The following CD82 variants were observed in gnomAD, a reference collection of about 807,000 sequenced individuals.
CD82 encodes the protein CD82 molecule, also known as CD82 antigen.
A neutral mutation model predicts 37.4 loss-of-function variants in CD82; 36 were observed. The ratio of observed to expected loss-of-function variants is 0.96; its 90% CI spans 0.74 to 1.27. The LOEUF (loss-of-function observed/expected upper bound fraction) is 1.27. Among genes scored for constraint, CD82 ranks in the 50% most tolerant of loss-of-function variants. The probability of loss-of-function intolerance (pLI) is 0.00; values close to 1 mark genes in which losing one functional copy is unlikely to be tolerated. For missense variants in CD82, 340 were observed against 347.0 expected (o/e 0.98, Z 0.16); for synonymous variants, 158 against 137.4 (o/e 1.15, Z -1.05).
intron 7 of CD82, among the ~76,000 whole-genome samples, chr11:44,617,218 A>G (rs1227162029): frequency 6.6e-6 from 1 of 152,134 alleles, no homozygotes; most frequent in African/African-American, 2.4e-5. Context: ...CAGAGCCCGG[A>G]AAGGCTTTCT....
intron 6 of CD82, among the ~76,000 whole-genome samples, chr11:44,609,798 T>C (rs1301650553): frequency 6.6e-6 from 1 of 152,062 alleles, no homozygotes; most frequent in Admixed American, 6.5e-5. Context: ...GACCTTTCTC[T>C]CCCCTGTTGA....
chr11:44,607,662 A>C (rs180721784), intron 6 of CD82, among the ~76,000 whole-genome samples: 1 of 152,340 alleles, frequency 6.6e-6, no homozygotes, highest in Non-Finnish European at 1.5e-5. Flanking sequence ...TACATGTTCA[A>C]ATTTACAAAC....
chr11:44,598,693 G>A (rs1853264782), intron 3 of CD82, among the ~76,000 whole-genome samples: 2 of 152,154 alleles, frequency 1.3e-5, no homozygotes, highest in Non-Finnish European at 2.9e-5. Flanking sequence ...TGTTACACCT[G>A]AGGCAGGTGC....
chr11:44,570,213 G>A (rs1435755364), intron 1 of CD82, among the ~76,000 whole-genome samples: 1 of 152,196 alleles, frequency 6.6e-6, no homozygotes, highest in Non-Finnish European at 1.5e-5. Context: ...TTCCTGAGGG[G>A]CAGTAGGTCT....
chr11:44,612,534 G>A (rs958627935), intron 6 of CD82, among the ~76,000 whole-genome samples: 2 of 116,044 alleles, frequency 1.7e-5, no homozygotes, highest in African/African-American at 6.8e-5. Context: ...CTGTATAAGG[G>A]CTTTTTTTTT....
chr11:44,594,297 C>G (rs1300833412), intron 2 of CD82, among the ~76,000 whole-genome samples: 2 of 152,104 alleles, frequency 1.3e-5, no homozygotes, highest in African/African-American at 4.8e-5. Context: ...CTTCCCGGCC[C>G]CCTGACTTCA....
At chr11:44,579,766 C>T (rs1023646936) in intron 1 of CD82, among the ~76,000 whole-genome samples, 1 of 152,180 alleles carries the variant, frequency 6.6e-6, no homozygotes, top group African/African-American at 2.4e-5. Flanking sequence ...CCCCTTTATT[C>T]CCAGCTTGGC....
At chr11:44,601,118 G>A (rs1355596886) in intron 4 of CD82, among the ~76,000 whole-genome samples, 1 of 152,250 alleles carries the variant, frequency 6.6e-6, no homozygotes, top group African/African-American at 2.4e-5. Context: ...GAGGCACAGC[G>A]GAAGCCCCCA....
Position 44,598,400 on chromosome 11 carries a change from A to ATTTTTTTTTTTTTTTTTTTTTTTTTTT in CD82, c.64-1755_64-1729dup, listed in dbSNP as rs71038809. 1.7e-4 allele frequency among the ~76,000 whole-genome samples: 10 copies of ATTTTTTTTTTTTTTTTTTTTTTTTTTT among 58,880 alleles called. 4 individuals are homozygous for ATTTTTTTTTTTTTTTTTTTTTTTTTTT. Among genetic ancestry groups the ATTTTTTTTTTTTTTTTTTTTTTTTTTT allele is most frequent in the East Asian group, 1.2e-3 (2 of 1,688 alleles). 38.6% of individuals were successfully genotyped at this position (58,880 alleles called of 152,430 possible). A position where few individuals can be genotyped will look rare whatever the true frequency, so the allele number is the denominator to read the frequency against. ...CAGTTATCATGGATTTTTGGCCTTA[A>ATTTTTTTTTTTTTTTTTTTTTTTTTTT]TTTTTTTTTTTTTTTTTTTTTTTTT... On this transcript the variant is annotated intron_variant, in intron 3 of 9. Transcript: ENST00000227155.
intron 1 of CD82, among the ~76,000 whole-genome samples, chr11:44,574,026 C>T (rs907147746): frequency 6.6e-6 from 1 of 152,176 alleles, no homozygotes; most frequent in African/African-American, 2.4e-5. Flanking sequence ...GGGAGTCTTC[C>T]TGTCCGAAGG....
At chr11:44,592,010 G>C (rs558622025) in intron 2 of CD82, among the ~76,000 whole-genome samples, 29 of 152,090 alleles carry the variant, frequency 1.9e-4, no homozygotes, top group African/African-American at 7.0e-4. Context: ...GTAGAGATGG[G>C]GTTTCACCAT....
chr11:44,601,431 C>T (rs887873896), intron 4 of CD82, among the ~76,000 whole-genome samples: 2 of 152,092 alleles, frequency 1.3e-5, no homozygotes, highest in African/African-American at 4.8e-5. Context: ...GTGGGCTACC[C>T]GTGCCCCCCA....
At chr11:44,571,960 C>G (rs1852820446) in intron 1 of CD82, among the ~76,000 whole-genome samples, 1 of 152,202 alleles carries the variant, frequency 6.6e-6, no homozygotes. Flanking sequence ...GTTCCCAGCT[C>G]ATCTTTTACT....
At chr11:44,617,843 T>C (rs890016405) in intron 7 of CD82, among the ~76,000 whole-genome samples, 1 of 152,216 alleles carries the variant, frequency 6.6e-6, no homozygotes, top group Admixed American at 6.5e-5. Context: ...GCTCAGCTGG[T>C]AGGCGGCAGG....
rs1277881787 is a variant in CD82 at position 44,619,939 on chromosome 11, C to T, written c.*813C>T. 1 of 151,326 alleles carries T rather than the reference C, an allele frequency of 6.6e-6. No homozygotes were observed. The highest frequency in any genetic ancestry group is 1.5e-5 in the Non-Finnish European group (1 of 67,812). The allele number at this position is 151,326 out of a possible 1,614,324, so 9.4% of individuals were successfully genotyped here. ...GGGAGAGGGGAGAGGGTGGGTTTTA[C>T]CTGATATTAAGGGGTGGCACCCCTT... On this transcript the variant is annotated 3_prime_UTR_variant, in exon 10 of 10. Transcript: ENST00000227155.
At chr11:44,573,257 ATGTT>A (rs1480381367) in intron 1 of CD82, 6 of 152,342 alleles carry the variant, frequency 3.9e-5, no homozygotes, top group African/African-American at 1.4e-4. Flanking sequence ...CACTCAATAA[ATGTT>A]TGTTGTTGCT....
chr11:44,571,704 A>G (rs1852817231), intron 1 of CD82, among the ~76,000 whole-genome samples: 1 of 152,036 alleles, frequency 6.6e-6, no homozygotes, highest in South Asian at 2.1e-4. Context: ...CCTCCTGAGT[A>G]GCTGGAATTT....
chr11:44,569,204 G>C (rs537770672), intron 1 of CD82, among the ~76,000 whole-genome samples: 1 of 152,196 alleles, frequency 6.6e-6, no homozygotes, highest in Admixed American at 6.5e-5. Context: ...TAAACATGGA[G>C]TGAGTGGTGT....
intron 6 of CD82, among the ~76,000 whole-genome samples, chr11:44,608,899 A>G (rs1853439540): frequency 6.6e-6 from 1 of 152,270 alleles, no homozygotes; most frequent in African/African-American, 2.4e-5. Flanking sequence ...TCAGAGATGA[A>G]GAGCACTAAC....
Sources: allele counts gnomAD v4.1 joint callset (sites outside exome capture counted in the v4.1 genomes callset), GRCh38; gene constraint gnomAD v4.1.1; transcripts MANE v1.5; gene names NCBI Gene and HGNC (gene_info 2026-07-23, HGNC 2026-07-21).